Variants in TNKS observed in about 807,000 individuals in gnomAD.
TNKS encodes the protein tankyrase.
TNKS carries 72 observed loss-of-function variants against 135.8 expected under a neutral mutation model. That is an observed-to-expected ratio of 0.53 (90% CI 0.44 to 0.64). The LOEUF (loss-of-function observed/expected upper bound fraction) is 0.64. TNKS is among the 30% of genes least tolerant of loss of function. TNKS has a pLI of 0.00. For synonymous variants in TNKS, 849 were observed against 649.3 expected (o/e 1.31, Z -4.68); for missense variants, 1,769 against 1,674.0 (o/e 1.06, Z -0.99).
At chr8:9,729,098 T>A (rs1805296926) in intron 13 of TNKS, among the ~76,000 whole-genome samples, 2 of 152,216 alleles carry the variant, frequency 1.3e-5, no homozygotes, top group Non-Finnish European at 2.9e-5. Context: ...CTGCCTCTTC[T>A]GGAGGGGACA....
chr8:9,771,388 GAA>G (rs1491366279), intron 26 of TNKS, among the ~76,000 whole-genome samples: 2 of 101,564 alleles, frequency 2.0e-5, no homozygotes, highest in African/African-American at 3.0e-5. Flanking sequence ...GGGAAAGAGA[GAA>G]AGGGAGGGAA....
intron 3 of TNKS, among the ~76,000 whole-genome samples, chr8:9,645,537 G>A (rs967953523): frequency 2.6e-5 from 4 of 152,138 alleles, no homozygotes; most frequent in African/African-American, 9.7e-5. Context: ...TGGGTGGAGA[G>A]AGTGAGGCGA....
At chr8:9,750,681 G>T (rs1352834818) in intron 18 of TNKS, among the ~76,000 whole-genome samples, 1 of 152,152 alleles carries the variant, frequency 6.6e-6, no homozygotes, top group Non-Finnish European at 1.5e-5. Context: ...CCAGGTACTG[G>T]TGTGCATTTC....
intron 3 of TNKS, among the ~76,000 whole-genome samples, chr8:9,669,047 G>T (rs1002275641): frequency 6.6e-6 from 1 of 152,126 alleles, no homozygotes; most frequent in African/African-American, 2.4e-5. Context: ...GGATTAAGGA[G>T]TAATTTAGGG....
At chr8:9,775,793 C>G (rs1485605277) in intron 26 of TNKS, among the ~76,000 whole-genome samples, 1 of 151,948 alleles carries the variant, frequency 6.6e-6, no homozygotes, top group Non-Finnish European at 1.5e-5. Context: ...CCCCAAAACA[C>G]TTTGCTCACC....
intron 3 of TNKS, among the ~76,000 whole-genome samples, chr8:9,624,775 G>A (rs1263964344): frequency 6.6e-6 from 1 of 152,062 alleles, no homozygotes; most frequent in African/African-American, 2.4e-5. Flanking sequence ...CTGGTTCCAG[G>A]ATCCCCTGAA....
intron 2 of TNKS, among the ~76,000 whole-genome samples, chr8:9,595,707 A>G (rs1227481902): frequency 1.3e-5 from 2 of 152,282 alleles, no homozygotes; most frequent in African/African-American, 4.8e-5. Flanking sequence ...AAAAATTTTC[A>G]TATACTTTTT....
At chr8:9,624,225 G>A (rs1325380948) in intron 3 of TNKS, among the ~76,000 whole-genome samples, 4 of 152,032 alleles carry the variant, frequency 2.6e-5, no homozygotes, top group African/African-American at 9.7e-5. Flanking sequence ...GTAAATTATA[G>A]CAACTCTGTA....
At chr8:9,572,460 A>G (rs898339617) in intron 1 of TNKS, among the ~76,000 whole-genome samples, 8 of 152,176 alleles carry the variant, frequency 5.3e-5, no homozygotes, top group African/African-American at 1.2e-4. Context: ...CATTATTTCT[A>G]CAATATTTCC....
chr8:9,637,386 TC>T (rs1800552899), intron 3 of TNKS, among the ~76,000 whole-genome samples: 1 of 152,172 alleles, frequency 6.6e-6, no homozygotes, highest in Admixed American at 6.5e-5. Context: ...TCTTTATAAT[TC>T]TAGTTATATA....
At chr8:9,695,582 A>C (rs1803477348) in intron 5 of TNKS, among the ~76,000 whole-genome samples, 2 of 152,142 alleles carry the variant, frequency 1.3e-5, no homozygotes. Flanking sequence ...GATTTTGAGC[A>C]CAAGATTTGT....
chr8:9,720,464 G>A lies in TNKS; in HGVS notation c.1840G>A (p.Gly614Ser). 1 of 1,614,130 alleles carries A rather than the reference G, an allele frequency of 6.2e-7. No homozygotes were observed. Reference protein sequence around the residue: ...LQTCRLLLSYGSDPSIISLQG... With the variant: ...LQTCRLLLSYSSDPSIISLQG... ...GACCTGCCGCCTCCTGCTGAGTTACGGCTCTGACCCCTCCATCATCTCCTT... is the reference window on the plus strand; with the variant it reads ...GACCTGCCGCCTCCTGCTGAGTTACAGCTCTGACCCCTCCATCATCTCCTT... The change falls in exon 12 of 27, where the codon GGC (glycine) becomes AGC (serine). Residue 614 changes from glycine (G) to serine (S), a missense_variant. Physicochemically the swap from Gly to Ser is moderately conservative, Grantham distance 56. Around this residue, in one of 5 missense-constraint regions of TNKS, gnomAD observed 523 missense variants for 541.0 expected, o/e 0.97. Transcript: ENST00000310430.
intron 3 of TNKS, among the ~76,000 whole-genome samples, chr8:9,672,707 C>CAA (rs1328735565): frequency 2.2e-4 from 23 of 104,286 alleles, no homozygotes; most frequent in African/African-American, 6.9e-4. Context: ...CACACACACA[C>CAA]ACACAAAAAA....
chr8:9,707,676 G>A (rs553286679), intron 8 of TNKS, among the ~76,000 whole-genome samples: 7 of 152,176 alleles, frequency 4.6e-5, no homozygotes, highest in South Asian at 2.1e-4. Context: ...TAAAAATATT[G>A]GATTCTCATT....
At chr8:9,610,347 A>C (rs558490259) in intron 2 of TNKS, among the ~76,000 whole-genome samples, 1 of 151,436 alleles carries the variant, frequency 6.6e-6, no homozygotes, top group African/African-American at 2.4e-5. Context: ...GTAGCATACT[A>C]TATATGATAT....
rs142156217 is a variant in TNKS at position 9,558,540 on chromosome 8, T to A, written c.673+1928T>A. The A allele has an allele frequency of 3.8e-4, 58 of 152,300 alleles. 1 individual carries two copies. The East Asian group carries it at 0.011, about 29-fold the overall frequency. 9.4% of individuals were successfully genotyped at this position (152,300 alleles called of 1,614,324 possible). A position where few individuals can be genotyped will look rare whatever the true frequency, so the allele number is the denominator to read the frequency against. ...TGTCATTTCTCACCATCCCACTTTA[T>A]GCGTAATCACCAATAAATGATAGTT... On this transcript the variant is annotated intron_variant, in intron 1 of 26. Coordinates refer to ENST00000310430, the MANE Select transcript of TNKS (RefSeq NM_003747.3).
chr8:9,676,684 C>CTGTGTGTGTG (rs762391942), intron 3 of TNKS, among the ~76,000 whole-genome samples: 5 of 59,214 alleles, frequency 8.4e-5, no homozygotes, highest in African/African-American at 3.6e-4. Context: ...CTCTCTCTCT[C>CTGTGTGTGTG]TCTGTGTGTG....
chr8:9,698,228 C>G (rs1803612204), intron 5 of TNKS, among the ~76,000 whole-genome samples: 1 of 152,028 alleles, frequency 6.6e-6, no homozygotes, highest in Non-Finnish European at 1.5e-5. Context: ...AACATGGGAA[C>G]AGTAGACATT....
intron 13 of TNKS, among the ~76,000 whole-genome samples, chr8:9,727,939 C>T (rs771374309): frequency 3.3e-5 from 5 of 152,116 alleles, no homozygotes; most frequent in Non-Finnish European, 7.4e-5. Flanking sequence ...CTTAAAAATG[C>T]TTCATCACTT....
Sources: allele counts gnomAD v4.1 joint callset (sites outside exome capture counted in the v4.1 genomes callset), GRCh38; gene constraint gnomAD v4.1.1; regional missense constraint gnomAD v4.1.1; transcripts MANE v1.5; gene names NCBI Gene and HGNC (gene_info 2026-07-23, HGNC 2026-07-21).